Variants in CCDC178 observed in about 807,000 individuals in gnomAD.
CCDC178 encodes the protein coiled-coil domain containing 178, also known as coiled-coil domain-containing protein 178.
Under a neutral mutation model 117.4 loss-of-function variants are expected in CCDC178, and 126 were observed. That is an observed-to-expected ratio of 1.07 (90% CI 0.93 to 1.24). The LOEUF is 1.24. CCDC178 is among the 50% of genes most tolerant of loss of function. The probability of loss-of-function intolerance (pLI) is 0.00; values close to 1 mark genes in which losing one functional copy is unlikely to be tolerated. For synonymous variants in CCDC178, 283 were observed against 313.4 expected, an observed-to-expected ratio of 0.90 and a Z score of 1.02; for missense variants, 1,030 against 986.9, an observed-to-expected ratio of 1.04 and a Z score of -0.59.
intron 5 of CCDC178, among the ~76,000 whole-genome samples, chr18:33,371,206 A>C (rs2063293644): frequency 6.6e-6 from 1 of 152,002 alleles, no homozygotes; most frequent in Non-Finnish European, 1.5e-5. Context: ...CTCTTGTAAA[A>C]ATGGCATGTT....
At chr18:32,969,396 T>C (rs558661895) in intron 22 of CCDC178, among the ~76,000 whole-genome samples, 1 of 151,996 alleles carries the variant, frequency 6.6e-6, no homozygotes, top group Non-Finnish European at 1.5e-5. Flanking sequence ...TAATCTAACA[T>C]CTGAACACCA....
intron 18 of CCDC178, among the ~76,000 whole-genome samples, chr18:33,216,674 T>C (rs2059169704): frequency 2.0e-5 from 3 of 152,126 alleles, no homozygotes; most frequent in Non-Finnish European, 4.4e-5. Context: ...AAAACCTTAC[T>C]GTTTGTCTAA....
chr18:32,959,613 T>TTGTTATAAC (rs1491357925), intron 22 of CCDC178, among the ~76,000 whole-genome samples: 15 of 152,120 alleles, frequency 9.9e-5, no homozygotes, highest in African/African-American at 3.4e-4. Context: ...TTTTTTTCTC[T>TTGTTATAAC]TGTTATAACT....
intron 15 of CCDC178, among the ~76,000 whole-genome samples, chr18:33,235,712 G>T (rs1449162034): frequency 6.6e-6 from 1 of 152,120 alleles, no homozygotes. Context: ...TTGCATAGAA[G>T]ATTTCAGCTG....
chr18:33,286,089 T>C (rs1026275207), intron 12 of CCDC178, among the ~76,000 whole-genome samples: 11 of 151,380 alleles, frequency 7.3e-5, no homozygotes, highest in Non-Finnish European at 1.3e-4. Context: ...TTCTCCTGCC[T>C]GAGCCTCCTG....
At chr18:32,941,016 A>G (rs1008223086) in intron 22 of CCDC178, among the ~76,000 whole-genome samples, 27 of 152,146 alleles carry the variant, frequency 1.8e-4, no homozygotes, top group Admixed American at 7.2e-4. Context: ...AGGGAATGAC[A>G]TGTGAAAGGA....
At chr18:33,058,013 G>T (rs537636626) in intron 21 of CCDC178, among the ~76,000 whole-genome samples, 11 of 152,160 alleles carry the variant, frequency 7.2e-5, no homozygotes, top group Non-Finnish European at 5.9e-5. Context: ...ATGGTGATGA[G>T]AATGTGGAGA....
chr18:33,220,487 A>G (rs990592490), intron 18 of CCDC178, among the ~76,000 whole-genome samples: 2 of 152,056 alleles, frequency 1.3e-5, no homozygotes, highest in African/African-American at 4.8e-5. Context: ...GCTAAAAGAA[A>G]TTACATGAGA....
chr18:33,362,448 CA>C (rs768130870), intron 6 of CCDC178, among the ~76,000 whole-genome samples: 33 of 151,518 alleles, frequency 2.2e-4, no homozygotes, highest in Non-Finnish European at 3.7e-4. Flanking sequence ...TACAAAGCAG[CA>C]GATATGGAAA....
chr18:33,276,151 T>G (rs543765955), intron 12 of CCDC178, among the ~76,000 whole-genome samples: 28 of 152,242 alleles, frequency 1.8e-4, no homozygotes, highest in African/African-American at 5.8e-4. Flanking sequence ...AAAACTTTTT[T>G]GCATTGTCTA....
intron 15 of CCDC178, among the ~76,000 whole-genome samples, chr18:33,232,744 T>A (rs2059381700): frequency 6.6e-6 from 1 of 152,210 alleles, no homozygotes; most frequent in Admixed American, 6.5e-5. Flanking sequence ...AATACAAATA[T>A]TCAAATCCAC....
intron 22 of CCDC178, among the ~76,000 whole-genome samples, chr18:32,967,265 G>T (rs1221503087): frequency 6.6e-6 from 1 of 150,704 alleles, no homozygotes; most frequent in Non-Finnish European, 1.5e-5. Flanking sequence ...TTTCCAAAAA[G>T]TTCAAGATGT....
At chr18:33,212,102 T>G in intron 19 of CCDC178, 47 bp from the exon 20 acceptor site, 1 of 1,398,342 alleles carries the variant, frequency 7.2e-7, no homozygotes, top group Non-Finnish European at 9.6e-7. Flanking sequence ...CACATTTTAT[T>G]TTTCAAAATG....
chr18:33,349,840 T>A (rs1164451035), intron 7 of CCDC178, among the ~76,000 whole-genome samples: 1 of 151,812 alleles, frequency 6.6e-6, no homozygotes, highest in African/African-American at 2.4e-5. Context: ...AATAGTCTAA[T>A]GATATTTTAA....
intron 12 of CCDC178, among the ~76,000 whole-genome samples, chr18:33,290,211 C>T (rs1325804728): frequency 1.3e-5 from 2 of 152,052 alleles, no homozygotes; most frequent in South Asian, 2.1e-4. Context: ...ACATTTTTGT[C>T]AAATGAAATA....
At chr18:32,967,817 G>T (rs1598740210) in intron 22 of CCDC178, among the ~76,000 whole-genome samples, 3 of 144,090 alleles carry the variant, frequency 2.1e-5, no homozygotes, top group Non-Finnish European at 3.1e-5. Flanking sequence ...TTTTTATATT[G>T]GTCTAATTTA....
chr18:33,369,951 A>G (rs2063273478), intron 6 of CCDC178, 99 bp downstream of exon 6: 1 of 982,550 alleles, frequency 1.0e-6, no homozygotes, highest in South Asian at 2.2e-5. Flanking sequence ...TCCAATTATC[A>G]TTTAAAAAGT....
chr18:33,153,635 C>T (rs2058362892), intron 20 of CCDC178, among the ~76,000 whole-genome samples: 1 of 151,960 alleles, frequency 6.6e-6, no homozygotes, highest in Non-Finnish European at 1.5e-5. Flanking sequence ...ACAGGCATTA[C>T]AAAGAATTTT....
At chr18:33,213,318 T>C (rs943609746) in intron 19 of CCDC178, among the ~76,000 whole-genome samples, 2 of 152,048 alleles carry the variant, frequency 1.3e-5, no homozygotes, top group African/African-American at 4.8e-5. Context: ...TGTTTACAGT[T>C]AGTGGATGTG....
Sources: allele counts gnomAD v4.1 joint callset (sites outside exome capture counted in the v4.1 genomes callset), GRCh38; gene constraint gnomAD v4.1.1; transcripts MANE v1.5; gene names NCBI Gene and HGNC (gene_info 2026-07-23, HGNC 2026-07-21).